Variants in FAR2 observed in about 807,000 individuals in gnomAD.
FAR2 encodes epididymis secretory protein Li 81.
FAR2 carries 19 observed loss-of-function variants against 56.0 expected under a neutral mutation model. That is an observed-to-expected ratio of 0.34 (90% confidence interval 0.24 to 0.50). FAR2 has a LOEUF of 0.50. Ranked by LOEUF, FAR2 falls within the 20% of genes least tolerant of loss-of-function variation. The pLI, the probability that FAR2 is intolerant of heterozygous loss-of-function variation, is 0.98. For missense variants in FAR2, 508 were observed against 642.2 expected (o/e 0.79, Z 2.26); for synonymous variants, 219 against 218.8 (o/e 1.00, Z -0.01).
chr12:29,293,474 A>T lies in FAR2; in HGVS notation c.364A>T (p.Arg122Ter). The change falls in exon 3 of 12, where the codon AGA becomes TGA. Residue 122 changes from arginine (R) to a stop codon, truncating the protein, a stop_gained and splice_region_variant. Transcript: ENST00000536681. LOFTEE classifies it high-confidence loss of function. ...AATVRFDDTL[R>*]HAVQLNVTAT... ...CACTGTACGCTTTGACGACACTCTC[A>T]GGTACATTCCCATTTCCCTCTCATG... The T allele has an allele frequency of 1.3e-6, 2 of 1,542,808 alleles. No homozygotes were observed. The highest frequency in any genetic ancestry group is 1.7e-6 in the Non-Finnish European group (2 of 1,144,340).
At chr12:29,258,127 T>C (rs1228905202) in intron 1 of FAR2, among the ~76,000 whole-genome samples, 1 of 151,468 alleles carries the variant, frequency 6.6e-6, no homozygotes, top group Non-Finnish European at 1.5e-5. Flanking sequence ...GTGGATCACC[T>C]GAGGTCAGGA....
intron 1 of FAR2, among the ~76,000 whole-genome samples, chr12:29,161,157 A>G (rs1044297573): frequency 2.6e-5 from 4 of 152,206 alleles, no homozygotes; most frequent in African/African-American, 9.7e-5. Context: ...TGTGTGGAAA[A>G]GTGAATATAT....
At chr12:29,237,372 T>A (rs1481621036) in intron 1 of FAR2, among the ~76,000 whole-genome samples, 1 of 152,214 alleles carries the variant, frequency 6.6e-6, no homozygotes, top group Non-Finnish European at 1.5e-5. Flanking sequence ...ATACCATGAA[T>A]TGGGACAGCG....
rs550856017 is a variant in FAR2 at position 29,313,613 on chromosome 12, C to T, written c.955+1663C>T. On this transcript the variant is annotated intron_variant, in intron 8 of 11. Coordinates refer to ENST00000536681, the MANE Select transcript of FAR2 (RefSeq NM_001271783.2). ...TTCAATAGTTAAAGAATTTTGCAGGCTTTCAGTTTCTACTGGAATCAGTTT... is the reference window on the plus strand; with the variant it reads ...TTCAATAGTTAAAGAATTTTGCAGGTTTTCAGTTTCTACTGGAATCAGTTT... Among the ~76,000 whole-genome samples, 3 of 152,134 alleles carry T rather than the reference C, an allele frequency of 2.0e-5. No homozygotes were observed. In the South Asian group the frequency reaches 6.2e-4, roughly 32 times the overall value.
chr12:29,308,825 A>T (rs978177170), intron 5 of FAR2, among the ~76,000 whole-genome samples: 10 of 151,874 alleles, frequency 6.6e-5, no homozygotes, highest in African/African-American at 2.4e-4. Context: ...TCTCCTAAGG[A>T]GGCTGAAATC....
At chr12:29,201,932 A>G (rs1947421120) in intron 1 of FAR2, among the ~76,000 whole-genome samples, 1 of 152,176 alleles carries the variant, frequency 6.6e-6, no homozygotes. Flanking sequence ...AAGACTGTTG[A>G]TTGTTTCTGT....
chr12:29,264,852 T>TA (rs1948486815), intron 1 of FAR2, among the ~76,000 whole-genome samples: 1 of 151,072 alleles, frequency 6.6e-6, no homozygotes, highest in African/African-American at 2.4e-5. Context: ...AGTCAACATA[T>TA]AAAAATCAGT....
chr12:29,247,224 C>T (rs1044443471), intron 1 of FAR2, among the ~76,000 whole-genome samples: 6 of 152,092 alleles, frequency 3.9e-5, no homozygotes, highest in African/African-American at 1.4e-4. Flanking sequence ...CCACATGGTT[C>T]AAGAAATAAT....
intron 10 of FAR2, among the ~76,000 whole-genome samples, chr12:29,326,020 AG>A (rs1330822258): frequency 8.5e-5 from 13 of 152,152 alleles, no homozygotes; most frequent in Non-Finnish European, 1.9e-4. Context: ...CTAATAAAGA[AG>A]AAAAGAGAGA....
chr12:29,321,871 A>G lies in FAR2; in HGVS notation c.1204A>G (p.Ser402Gly), dbSNP rs968991562. The G allele has an allele frequency of 6.2e-7, 1 of 1,613,824 alleles. No homozygotes were observed. Among genetic ancestry groups the G allele is most frequent in the Non-Finnish European group, 8.5e-7 (1 of 1,179,812 alleles). The change falls in exon 10 of 12, where the codon AGC (serine) becomes GGC (glycine). Residue 402 changes from serine to glycine, a missense_variant. Transcript: ENST00000536681. Reference sequence around the variant, plus strand: ...TTTCATCAACCGGAGTTGGGAATGGAGCACGTACAATACAGAAATGCTGAT... The same window carrying G: ...TTTCATCAACCGGAGTTGGGAATGGGGCACGTACAATACAGAAATGCTGAT... ...EYFINRSWEW[S>G]TYNTEMLMSE...
intron 10 of FAR2, among the ~76,000 whole-genome samples, 160 bp downstream of exon 10, chr12:29,322,084 C>T (rs999381944): frequency 6.6e-6 from 1 of 152,168 alleles, no homozygotes; most frequent in Admixed American, 6.5e-5. Flanking sequence ...CTATCAACAC[C>T]ACCGTAGGAA....
chr12:29,236,869 A>C (rs1947951573), intron 1 of FAR2, among the ~76,000 whole-genome samples: 1 of 152,166 alleles, frequency 6.6e-6, no homozygotes. Context: ...GCAACAGAGC[A>C]TCAACCCCAC....
intron 4 of FAR2, among the ~76,000 whole-genome samples, chr12:29,300,532 C>G (rs1279750205): frequency 6.6e-6 from 1 of 152,132 alleles, no homozygotes. Flanking sequence ...AGTAATTGGT[C>G]TGTGTTAAAA....
At position 29,279,289 on chromosome 12, in the gene FAR2, T is replaced by C. The variant is rs531812789; in HGVS notation, c.189+8651T>C. Among the ~76,000 whole-genome samples the C allele has an allele frequency of 1.4e-3, 214 of 152,352 alleles. 1 individual carries two copies. Among genetic ancestry groups the C allele is most frequent in the African/African-American group, 5.0e-3 (207 of 41,580 alleles). ...GCCAAGGCCCTTTCTTCAGTTGTCA[T>C]AAATTTAGAATCAAACAACAAAAAG... On this transcript the variant is annotated intron_variant, in intron 2 of 11. Coordinates refer to ENST00000536681, the MANE Select transcript of FAR2 (RefSeq NM_001271783.2).
chr12:29,237,264 A>G (rs1275089328), intron 1 of FAR2, among the ~76,000 whole-genome samples: 1 of 152,192 alleles, frequency 6.6e-6, no homozygotes, highest in Non-Finnish European at 1.5e-5. Context: ...CAGGGTCTAC[A>G]GGATCAAAAT....
At chr12:29,307,466 G>A (rs1591953576) in intron 4 of FAR2, among the ~76,000 whole-genome samples, 192 bp from the exon 5 acceptor site, 1 of 150,936 alleles carries the variant, frequency 6.6e-6, no homozygotes, top group African/African-American at 2.4e-5. Flanking sequence ...ATAAGATTGG[G>A]CTTAGCAGTG....
At chr12:29,311,986 G>C (rs767507546) in intron 8 of FAR2, 36 bp downstream of exon 8, 1 of 1,489,506 alleles carries the variant, frequency 6.7e-7, no homozygotes, top group South Asian at 1.2e-5. Flanking sequence ...ATAATTACTA[G>C]TGTCTGGCAC....
chr12:29,256,384 C>T (rs1948316787), intron 1 of FAR2, among the ~76,000 whole-genome samples: 1 of 152,126 alleles, frequency 6.6e-6, no homozygotes, highest in African/African-American at 2.4e-5. Flanking sequence ...GACGGGGTCT[C>T]ACTATAATGC....
At chr12:29,171,181 G>T (rs181648250) in intron 1 of FAR2, among the ~76,000 whole-genome samples, 2 of 152,312 alleles carry the variant, frequency 1.3e-5, no homozygotes, top group Admixed American at 1.3e-4. Flanking sequence ...TGTCCAGGAG[G>T]AAGTCAATTT....
Sources: gnomAD v4.1 joint callset for allele counts (sites outside exome capture counted in the v4.1 genomes callset) on GRCh38, gnomAD v4.1.1 for gene constraint, MANE v1.5 for transcripts, NCBI Gene and HGNC (gene_info 2026-07-23, HGNC 2026-07-21) for gene names.